Variants in PHF24 observed in about 807,000 individuals in gnomAD.
The protein encoded by PHF24 is PHD finger protein 24, also known as Galpha inhibitory interacting protein.
In PHF24, 25 loss-of-function variants were observed where a neutral mutation model predicts 42.6. The ratio of observed to expected loss-of-function variants is 0.59; its 90% CI spans 0.43 to 0.82. The LOEUF is 0.82. Ranked by LOEUF, PHF24 falls within the 40% of genes least tolerant of loss-of-function variation. The pLI is 0.00. For synonymous variants in PHF24, 185 were observed against 204.8 expected, an observed-to-expected ratio of 0.90 and a Z score of 0.83; for missense variants, 470 against 538.1, an observed-to-expected ratio of 0.87 and a Z score of 1.25.
the PHF24 span, among the ~76,000 whole-genome samples, chr9:34,888,319 C>T: frequency 3.3e-5 from 5 of 152,258 alleles, no homozygotes; most frequent in East Asian, 5.8e-4. Context: ...GCCTGTGTAT[C>T]GTTCACTGTT....
At chr9:34,765,396 C>G in the PHF24 span, among the ~76,000 whole-genome samples, 4 of 149,964 alleles carry the variant, frequency 2.7e-5, no homozygotes, top group African/African-American at 9.7e-5. Flanking sequence ...GTATTGGGTG[C>G]CTATATATTT....
the PHF24 span, chr9:34,838,502 C>T: frequency 7.5e-7 from 1 of 1,338,836 alleles, no homozygotes; most frequent in East Asian, 2.5e-5. Flanking sequence ...ATGGTCTAAA[C>T]CTCATTAGCA....
chr9:34,915,940 G>C, the PHF24 span, among the ~76,000 whole-genome samples: 1 of 151,748 alleles, frequency 6.6e-6, no homozygotes, highest in African/African-American at 2.4e-5. Context: ...CACCAACCCT[G>C]GTGCTGTTCT....
the PHF24 span, among the ~76,000 whole-genome samples, chr9:34,785,197 C>T: frequency 6.6e-6 from 1 of 152,194 alleles, no homozygotes; most frequent in East Asian, 1.9e-4. Flanking sequence ...TCCAAGATGG[C>T]ATCTTGCTGT....
the PHF24 span, among the ~76,000 whole-genome samples, chr9:34,874,691 G>A: frequency 6.6e-6 from 1 of 152,116 alleles, no homozygotes; most frequent in Admixed American, 6.6e-5. Flanking sequence ...ATGCCTGCAG[G>A]TCAGAAAGGA....
At chr9:34,741,177 C>T in the PHF24 span, among the ~76,000 whole-genome samples, 4 of 151,650 alleles carry the variant, frequency 2.6e-5, no homozygotes, top group Non-Finnish European at 4.4e-5. Flanking sequence ...TGAGCCACTG[C>T]GCCTGGCCTG....
the PHF24 span, among the ~76,000 whole-genome samples, chr9:34,865,143 C>CAAA: frequency 9.7e-5 from 10 of 102,806 alleles, no homozygotes; most frequent in African/African-American, 1.7e-4. Context: ...TGCGCCACTG[C>CAAA]AAAAAAAAAA....
At chr9:34,949,226 GT>G in the PHF24 span, among the ~76,000 whole-genome samples, 1 of 152,136 alleles carries the variant, frequency 6.6e-6, no homozygotes, top group Admixed American at 6.5e-5. Flanking sequence ...TCAAGTGCAC[GT>G]GGAATATTCA....
chr9:34,872,975 T>A, the PHF24 span, among the ~76,000 whole-genome samples: 1 of 151,586 alleles, frequency 6.6e-6, no homozygotes, highest in South Asian at 2.1e-4. Flanking sequence ...CATTTTTTCA[T>A]GTGTTTTTTG....
the PHF24 span, among the ~76,000 whole-genome samples, chr9:34,927,224 G>A: frequency 1.3e-5 from 2 of 152,160 alleles, no homozygotes; most frequent in Non-Finnish European, 2.9e-5. Flanking sequence ...TTGCTGTGCA[G>A]GACCAGAGTC....
At chr9:34,770,284 T>G in the PHF24 span, among the ~76,000 whole-genome samples, 1 of 152,120 alleles carries the variant, frequency 6.6e-6, no homozygotes, top group Non-Finnish European at 1.5e-5. Flanking sequence ...CATGAAAAGA[T>G]GGTCAAACTT....
the PHF24 span, chr9:34,666,039 C>T: frequency 3.2e-6 from 1 of 315,656 alleles, no homozygotes; most frequent in East Asian, 7.5e-5. Context: ...GGCTCCACCC[C>T]GGAAACGGAC....
the PHF24 span, among the ~76,000 whole-genome samples, chr9:34,853,388 G>A: frequency 5.3e-5 from 8 of 152,106 alleles, no homozygotes; most frequent in Admixed American, 2.0e-4. Context: ...GGATTTTTGC[G>A]TTGACGTTCA....
At chr9:34,782,410 T>C in the PHF24 span, among the ~76,000 whole-genome samples, 3 of 152,106 alleles carry the variant, frequency 2.0e-5, no homozygotes, top group Non-Finnish European at 4.4e-5. Context: ...CTCTAGCAGT[T>C]TGCCTCCCTC....
At chr9:34,846,602 A>G in the PHF24 span, among the ~76,000 whole-genome samples, 1 of 151,970 alleles carries the variant, frequency 6.6e-6, no homozygotes, top group Non-Finnish European at 1.5e-5. Flanking sequence ...TCTTTAGTTT[A>G]ATTAGATCCC....
chr9:34,721,809 A>G, the PHF24 span, among the ~76,000 whole-genome samples: 1 of 152,150 alleles, frequency 6.6e-6, no homozygotes, highest in African/African-American at 2.4e-5. Context: ...GTGTGGCTAA[A>G]TCTAACACGC....
the PHF24 span, among the ~76,000 whole-genome samples, chr9:34,701,959 T>C: frequency 6.6e-6 from 1 of 152,168 alleles, no homozygotes; most frequent in African/African-American, 2.4e-5. This position sits in a 1 kb window ranked among gnomAD's most constrained non-coding sequence, Gnocchi z 5.8. Flanking sequence ...GAAGGAGGGT[T>C]CACATCACCT....
the PHF24 span, among the ~76,000 whole-genome samples, chr9:34,721,585 ATTTT>A: frequency 6.6e-6 from 1 of 151,778 alleles, no homozygotes; most frequent in African/African-American, 2.4e-5. Context: ...TAATTTTTGT[ATTTT>A]TACTAGAGAC....
the PHF24 span, among the ~76,000 whole-genome samples, chr9:34,744,572 G>A: frequency 6.6e-6 from 1 of 152,086 alleles, no homozygotes; most frequent in African/African-American, 2.4e-5. Context: ...ATATTTTAAT[G>A]TTTTACATGA....
Sources: gnomAD v4.1 joint callset for allele counts (sites outside exome capture counted in the v4.1 genomes callset) on GRCh38, gnomAD v4.1.1 for gene constraint, Gnocchi (gnomAD v3.1) non-coding constraint, MANE v1.5 for transcripts, NCBI Gene and HGNC (gene_info 2026-07-23, HGNC 2026-07-21) for gene names.